GOLGA4: variants seen among roughly 807,000 people sequenced by gnomAD.
GOLGA4 encodes golgin A4.
GOLGA4 carries 169 observed loss-of-function variants against 265.9 expected under a neutral mutation model. The observed-to-expected ratio is 0.64, with a 90% CI of 0.56 to 0.72. The LOEUF is 0.72. GOLGA4 is among the 30% of genes least tolerant of loss of function. The pLI is 0.00. For missense variants in GOLGA4, 2,482 were observed against 2,483.4 expected (o/e 1.00, Z 0.01); for synonymous variants, 923 against 855.8 (o/e 1.08, Z -1.37).
chr3:37,256,653 T>C (rs562470976), intron 2 of GOLGA4, among the ~76,000 whole-genome samples: 1 of 152,260 alleles, frequency 6.6e-6, no homozygotes, highest in Admixed American at 6.5e-5. Flanking sequence ...ATCCTAGGCA[T>C]AGCCCCACTA....
intron 2 of GOLGA4, among the ~76,000 whole-genome samples, chr3:37,264,276 C>T (rs918796374): frequency 2.6e-5 from 4 of 152,076 alleles, no homozygotes; most frequent in Non-Finnish European, 5.9e-5. Flanking sequence ...TTTTTATAGC[C>T]TTTAACTTAA....
chr3:37,289,363 A>G (rs1225335260), intron 5 of GOLGA4, 72 bp downstream of exon 5: 8 of 964,098 alleles, frequency 8.3e-6, no homozygotes. Context: ...TGTATGTGCT[A>G]GGGTAGTTTC....
Position 37,328,413 on chromosome 3 carries a change from C to G in GOLGA4, c.5940-3C>G. 6.2e-7 allele frequency: 1 copy of G among 1,609,818 alleles called. No individual in the cohort carries two copies. The highest frequency in any genetic ancestry group is 8.5e-7 in the Non-Finnish European group (1 of 1,178,318). On this transcript the variant is annotated splice_region_variant and splice_polypyrimidine_tract_variant and intron_variant, in intron 14 of 23. Coordinates refer to ENST00000361924, the MANE Select transcript of GOLGA4 (RefSeq NM_002078.5). The stretch of plus-strand genomic sequence containing the variant: ...CAGTTAACGGTACATTTTTATTACT[C>G]AGACAGGAGCAGGAAGATCTTGAAC...
chr3:37,338,479 CT>C (rs1376960495), intron 19 of GOLGA4, among the ~76,000 whole-genome samples: 1 of 152,138 alleles, frequency 6.6e-6, no homozygotes, highest in Non-Finnish European at 1.5e-5. Context: ...AGTGATTTAG[CT>C]TTTCCCATCT....
intron 16 of GOLGA4, 145 bp from the exon 17 acceptor site, chr3:37,334,908 G>T: frequency 1.8e-6 from 1 of 566,272 alleles, no homozygotes; most frequent in Non-Finnish European, 3.2e-6. Context: ...AGTAGTGTGT[G>T]TCTCAAAAAC....
intron 2 of GOLGA4, among the ~76,000 whole-genome samples, chr3:37,270,418 A>G (rs2096795550): frequency 1.3e-5 from 2 of 151,876 alleles, no homozygotes; most frequent in South Asian, 4.2e-4. Flanking sequence ...GGGTTTCACC[A>G]TATTGGCCAG....
chr3:37,325,446 G>C lies in GOLGA4; in HGVS notation c.3560G>C (p.Ser1187Thr). 6.2e-7 allele frequency: 1 copy of C among 1,611,098 alleles called. No individual in the cohort carries two copies. The highest frequency in any genetic ancestry group is 8.5e-7 in the Non-Finnish European group (1 of 1,178,888). The change falls in exon 14 of 24, where the codon AGT (serine) becomes ACT (threonine). Residue 1187 changes from serine to threonine, a missense_variant. Physicochemically the swap from Ser to Thr is moderately conservative, Grantham distance 58. Transcript: ENST00000361924. ...KLKTTDEEFQSLKSSHEKSNK... is the reference protein window; with the variant it reads ...KLKTTDEEFQTLKSSHEKSNK... ...AAAACCACAGATGAAGAATTCCAGAGTTTGAAATCTTCACATGAAAAAAGT... is the reference window on the plus strand; with the variant it reads ...AAAACCACAGATGAAGAATTCCAGACTTTGAAATCTTCACATGAAAAAAGT...
intron 22 of GOLGA4, among the ~76,000 whole-genome samples, chr3:37,355,620 C>T (rs1301138122): frequency 1.3e-5 from 2 of 152,046 alleles, no homozygotes; most frequent in Non-Finnish European, 2.9e-5. Context: ...AGAATTTAAG[C>T]ATTCTTGAGC....
intron 3 of GOLGA4, among the ~76,000 whole-genome samples, chr3:37,284,433 T>C (rs557351930): frequency 2.6e-5 from 4 of 152,078 alleles, no homozygotes; most frequent in Non-Finnish European, 5.9e-5. Context: ...TTTGCGTTTT[T>C]AGTAGAGACA....
chr3:37,324,740 C>G lies in GOLGA4; in HGVS notation c.2854C>G (p.Gln952Glu). The stretch of plus-strand genomic sequence containing the variant: ...GGAATATGAAACCAAATTTAAAAAC[C>G]AAGAAAAAAAGATGGAAAAAGTTAA... ...NEEYETKFKN[Q>E]EKKMEKVKQK... Residue 952 changes from glutamine to glutamate, a missense_variant, in exon 14 of 24, where the codon CAA (glutamine) becomes GAA (glutamate). Gln to Glu is a conservative substitution (Grantham distance 29, BLOSUM62 2). Around this residue, in one of 3 missense-constraint regions of GOLGA4, gnomAD observed 1,536 missense variants for 1,483.7 expected, o/e 1.04. Coordinates refer to ENST00000361924, the MANE Select transcript of GOLGA4 (RefSeq NM_002078.5). 6.3e-7 allele frequency: 1 copy of G among 1,579,978 alleles called. No individual in the cohort carries two copies. Among genetic ancestry groups the G allele is most frequent in the Non-Finnish European group, 8.5e-7 (1 of 1,169,710 alleles).
chr3:37,335,133 G>A lies in GOLGA4; in HGVS notation c.6273G>A (p.Lys2091=). The A allele has an allele frequency of 6.2e-7, 1 of 1,604,012 alleles. No individual in the cohort carries two copies. The highest frequency in any genetic ancestry group is 8.5e-7 in the Non-Finnish European group (1 of 1,173,242). The change falls in exon 17 of 24, where the codon AAG becomes AAA. Residue 2091 remains lysine, a synonymous_variant. Transcript: ENST00000361924. ...AGCTGCAGAAGAAATACCAGCAAAAGCTAGAGCAGGAGGAGAACCCTGGCA... is the reference window on the plus strand; with the variant it reads ...AGCTGCAGAAGAAATACCAGCAAAAACTAGAGCAGGAGGAGAACCCTGGCA... ...LEELQKKYQQ[K]LEQEENPGND...
chr3:37,346,337 T>C (rs1248249715), intron 20 of GOLGA4, among the ~76,000 whole-genome samples: 1 of 152,090 alleles, frequency 6.6e-6, no homozygotes, highest in African/African-American at 2.4e-5. Context: ...ACTGCTGTTA[T>C]TATATTACAA....
At chr3:37,311,212 T>TA (rs2096922387) in intron 10 of GOLGA4, among the ~76,000 whole-genome samples, 1 of 152,180 alleles carries the variant, frequency 6.6e-6, no homozygotes, top group South Asian at 2.1e-4. Flanking sequence ...TCATTTGTGA[T>TA]ACAGTGTAGA....
chr3:37,280,925 C>T lies in GOLGA4; in HGVS notation c.163-1033C>T, dbSNP rs186497931. Among the ~76,000 whole-genome samples, 3 of 152,264 alleles carry T rather than the reference C, an allele frequency of 2.0e-5. No individual in the cohort carries two copies. The East Asian group carries it at 5.8e-4, about 29-fold the overall frequency. The stretch of plus-strand genomic sequence containing the variant: ...AAATCTCTAGAATCCGTGAGCAAAA[C>T]ATTTCTGTTTTGATTTTTCAAACTC... On this transcript the variant is annotated intron_variant, in intron 2 of 23. Coordinates refer to ENST00000361924, the MANE Select transcript of GOLGA4 (RefSeq NM_002078.5).
At position 37,323,611 on chromosome 3, in the gene GOLGA4, T is replaced by G; in HGVS notation, c.1725T>G (p.Ser575=). 1 of 1,568,942 alleles carries G rather than the reference T, an allele frequency of 6.4e-7. No homozygotes were observed. The highest frequency in any genetic ancestry group is 8.6e-7 in the Non-Finnish European group (1 of 1,163,324). Residue 575 remains serine (S), a synonymous_variant, in exon 14 of 24, where the codon TCT becomes TCG. Transcript: ENST00000361924. The part of the protein sequence containing the change: ...YRTRILELES[S]LEKSLQENKN... ...AGAGAATTCTTGAATTGGAAAGTTC[T>G]TTGGAAAAAAGCTTACAAGAAAACA... is the stretch of plus-strand genomic sequence containing the variant.
chr3:37,261,082 G>C (rs2096768594), intron 2 of GOLGA4, among the ~76,000 whole-genome samples: 1 of 151,570 alleles, frequency 6.6e-6, no homozygotes, highest in Non-Finnish European at 1.5e-5. Context: ...TAAGTAGGAA[G>C]ATTTTTTGAT....
intron 2 of GOLGA4, among the ~76,000 whole-genome samples, chr3:37,275,215 CAAAAAAAAAAAAA>C (rs749758741): frequency 2.0e-4 from 9 of 44,964 alleles, no homozygotes; most frequent in South Asian, 1.6e-3. Context: ...GACTCCGTCT[CAAAAAAAAAAAAA>C]AAAAAAAAAA....
At chr3:37,332,676 C>T (rs193292011) in intron 16 of GOLGA4, among the ~76,000 whole-genome samples, 1 of 152,060 alleles carries the variant, frequency 6.6e-6, no homozygotes. Context: ...CTCCTGTGTT[C>T]TGTGTCCTCT....
chr3:37,314,537 A>AGGCTGAG (rs2096931724), intron 10 of GOLGA4, among the ~76,000 whole-genome samples: 1 of 151,854 alleles, frequency 6.6e-6, no homozygotes. Flanking sequence ...GCTACTTGGG[A>AGGCTGAG]GGCTGAGGCA....
Sources: allele counts gnomAD v4.1 joint callset (sites outside exome capture counted in the v4.1 genomes callset), GRCh38; gene constraint gnomAD v4.1.1; regional missense constraint gnomAD v4.1.1; transcripts MANE v1.5; gene names NCBI Gene and HGNC (gene_info 2026-07-23, HGNC 2026-07-21).